The following CNTNAP2 variants were observed in gnomAD, a reference collection of about 807,000 sequenced individuals.
CNTNAP2 encodes contactin-associated protein-like 2.
In CNTNAP2, 98 loss-of-function variants were observed where a neutral mutation model predicts 155.2. The ratio of observed to expected loss-of-function variants is 0.63; its 90% CI spans 0.54 to 0.75. The LOEUF is 0.75. Ranked by LOEUF, CNTNAP2 falls within the 30% of genes least tolerant of loss-of-function variation. The pLI is 0.00. For missense variants in CNTNAP2, 1,727 were observed against 1,688.1 expected (o/e 1.02, Z -0.40); for synonymous variants, 651 against 631.2 (o/e 1.03, Z -0.47).
intron 3 of CNTNAP2, among the ~76,000 whole-genome samples, chr7:146,842,064 T>G (rs542103522): frequency 1.1e-3 from 173 of 152,186 alleles, no homozygotes; most frequent in Non-Finnish European, 1.9e-3. Flanking sequence ...TTTTTGTATT[T>G]TTAGTAGAGA....
intron 10 of CNTNAP2, among the ~76,000 whole-genome samples, chr7:147,444,622 G>T (rs1464106919): frequency 6.6e-6 from 1 of 150,608 alleles, no homozygotes; most frequent in Non-Finnish European, 1.5e-5. Context: ...GGAATTACAG[G>T]TTCTCTGAAG....
intron 4 of CNTNAP2, among the ~76,000 whole-genome samples, chr7:147,095,042 C>T (rs1347434062): frequency 6.6e-6 from 1 of 151,524 alleles, no homozygotes; most frequent in Non-Finnish European, 1.5e-5. Flanking sequence ...TTTTTAGAGA[C>T]AGAGTCTTGC....
intron 14 of CNTNAP2, among the ~76,000 whole-genome samples, chr7:147,924,806 C>T (rs971646737): frequency 1.3e-5 from 2 of 152,028 alleles, no homozygotes; most frequent in Non-Finnish European, 2.9e-5. Context: ...GAGTCATCCA[C>T]ACCTCTCAAG....
At chr7:148,028,565 G>A (rs1266758655) in intron 15 of CNTNAP2, among the ~76,000 whole-genome samples, 1 of 152,188 alleles carries the variant, frequency 6.6e-6, no homozygotes, top group African/African-American at 2.4e-5. Context: ...AACAGAACAA[G>A]ACCCCGTCTC....
chr7:147,390,671 G>C (rs1796697959), intron 9 of CNTNAP2, among the ~76,000 whole-genome samples: 1 of 151,994 alleles, frequency 6.6e-6, no homozygotes, highest in Admixed American at 6.6e-5. Context: ...GGGATCAAAA[G>C]ACCAAGGTGC....
At chr7:147,239,166 A>G (rs1163500479) in intron 8 of CNTNAP2, among the ~76,000 whole-genome samples, 1 of 152,112 alleles carries the variant, frequency 6.6e-6, no homozygotes, top group Non-Finnish European at 1.5e-5. Flanking sequence ...TCTGCTTGAT[A>G]AAAACATTGC....
chr7:146,146,978 A>G (rs574179474), intron 1 of CNTNAP2, among the ~76,000 whole-genome samples: 180 of 152,250 alleles, frequency 1.2e-3, no homozygotes, highest in African/African-American at 4.3e-3. Flanking sequence ...TTGGGCTTCA[A>G]GTACTTTAGT....
intron 15 of CNTNAP2, among the ~76,000 whole-genome samples, chr7:148,054,447 CTTTTTTTTTTT>C (rs61157011): frequency 2.7e-5 from 2 of 73,076 alleles, no homozygotes; most frequent in Non-Finnish European, 4.8e-5. Context: ...TCTCAGTGGC[CTTTTTTTTTTT>C]TTTTTTTTTT....
At chr7:148,336,442 T>TAAA (rs55690485) in intron 21 of CNTNAP2, among the ~76,000 whole-genome samples, 1 of 148,730 alleles carries the variant, frequency 6.7e-6, no homozygotes, top group African/African-American at 2.5e-5. Flanking sequence ...GATGGTCTTT[T>TAAA]AAAAAAAAAA....
At chr7:146,515,558 G>C (rs1466167773) in intron 1 of CNTNAP2, among the ~76,000 whole-genome samples, 1 of 152,034 alleles carries the variant, frequency 6.6e-6, no homozygotes, top group Non-Finnish European at 1.5e-5. Flanking sequence ...AATTGTTGCT[G>C]CTCCATCATT....
intron 13 of CNTNAP2, among the ~76,000 whole-genome samples, chr7:147,752,383 A>G (rs1241517174): frequency 6.6e-6 from 1 of 152,084 alleles, no homozygotes; most frequent in Non-Finnish European, 1.5e-5. Context: ...AAGCACTCCC[A>G]TTAGAAGCTG....
intron 1 of CNTNAP2, among the ~76,000 whole-genome samples, chr7:146,200,754 A>T (rs1798848531): frequency 6.6e-6 from 1 of 152,132 alleles, no homozygotes; most frequent in South Asian, 2.1e-4. Context: ...TGTTTATATC[A>T]TGGAATCCCC....
At chr7:147,373,157 G>A (rs1796376764) in intron 9 of CNTNAP2, among the ~76,000 whole-genome samples, 1 of 152,060 alleles carries the variant, frequency 6.6e-6, no homozygotes, top group African/African-American at 2.4e-5. Context: ...CAAATAGCCT[G>A]AAAGTAATAT....
intron 1 of CNTNAP2, among the ~76,000 whole-genome samples, chr7:146,712,362 A>AGAG (rs1801108291): frequency 6.9e-6 from 1 of 144,546 alleles, no homozygotes. Context: ...TGTATACTAT[A>AGAG]TAGTATACAT....
At chr7:147,530,515 G>A (rs914623435) in intron 11 of CNTNAP2, among the ~76,000 whole-genome samples, 1 of 152,050 alleles carries the variant, frequency 6.6e-6, no homozygotes, top group African/African-American at 2.4e-5. Context: ...AAGAAAAAAT[G>A]AAGAAGAAGC....
chr7:146,440,403 A>G (rs1411692368), intron 1 of CNTNAP2, among the ~76,000 whole-genome samples: 1 of 151,560 alleles, frequency 6.6e-6, no homozygotes, highest in Non-Finnish European at 1.5e-5. Context: ...TATTTCTTTT[A>G]CCAAAATTCT....
intron 1 of CNTNAP2, among the ~76,000 whole-genome samples, chr7:146,544,413 C>CCAGCCTAAAACAG (rs1166457259): frequency 1.3e-5 from 2 of 151,976 alleles, no homozygotes; most frequent in African/African-American, 4.8e-5. Context: ...AGCACACTTT[C>CCAGCCTAAAACAG]CGCTACATCT....
chr7:147,906,600 C>T (rs2003130158), intron 14 of CNTNAP2, among the ~76,000 whole-genome samples: 1 of 151,790 alleles, frequency 6.6e-6, no homozygotes, highest in African/African-American at 2.4e-5. Context: ...GCTGGGACTA[C>T]AGGTGCCCAC....
chr7:146,266,129 T>C (rs1799990178), intron 1 of CNTNAP2, among the ~76,000 whole-genome samples: 1 of 152,088 alleles, frequency 6.6e-6, no homozygotes. Flanking sequence ...TGAGAACAAA[T>C]AATGCAAGGA....
Sources: gnomAD v4.1 joint callset for allele counts (sites outside exome capture counted in the v4.1 genomes callset) on GRCh38, gnomAD v4.1.1 for gene constraint, MANE v1.5 for transcripts, NCBI Gene and HGNC (gene_info 2026-07-23, HGNC 2026-07-21) for gene names.